Variants in CDH4 observed in about 807,000 individuals in gnomAD.
CDH4 encodes cadherin 4.
Under a neutral mutation model 86.0 loss-of-function variants are expected in CDH4, and 33 were observed. The observed-to-expected ratio is 0.38, with a 90% CI of 0.29 to 0.51. The LOEUF is 0.51. Among genes scored for constraint, CDH4 ranks in the 20% least tolerant of loss-of-function variants. The pLI, the probability that CDH4 is intolerant of heterozygous loss-of-function variation, is 0.86. For synonymous variants in CDH4, 555 were observed against 549.4 expected (o/e 1.01, Z -0.14); for missense variants, 1,114 against 1,307.4 (o/e 0.85, Z 2.28).
chr20:61,936,772 C>A lies in CDH4; in HGVS notation c.2580C>A (p.Pro860=). The change falls in exon 16 of 16, where the codon CCC becomes CCA. Residue 860 remains proline (P), a synonymous_variant. Coordinates refer to ENST00000614565, the MANE Select transcript of CDH4 (RefSeq NM_001794.5). ...CTGCTGACAACGACCCCACGGCACC[C>A]CCCTATGACTCCCTGCTGGTCTTCG... ...LRAADNDPTA[P]PYDSLLVFDY... 1 of 1,609,032 alleles carries A rather than the reference C, an allele frequency of 6.2e-7. No homozygotes were observed.
intron 2 of CDH4, among the ~76,000 whole-genome samples, chr20:61,710,656 G>T (rs533572285): frequency 6.6e-6 from 1 of 152,252 alleles, no homozygotes; most frequent in Non-Finnish European, 1.5e-5. Context: ...TGAGGAAGGG[G>T]CAAGGGCCCA....
intron 2 of CDH4, among the ~76,000 whole-genome samples, chr20:61,378,032 C>A (rs1290391515): frequency 6.6e-6 from 1 of 152,140 alleles, no homozygotes; most frequent in Non-Finnish European, 1.5e-5. Context: ...GGTGGGCGAT[C>A]GCTTGAGCCC....
intron 2 of CDH4, among the ~76,000 whole-genome samples, chr20:61,403,169 G>A (rs1316450): frequency 0.51 from 77,129 of 152,002 alleles, 20,712 homozygotes; most frequent in African/African-American, 0.68. Flanking sequence ...GACCATGAGG[G>A]GATCTTGAAG....
At position 61,565,227 on chromosome 20, in the gene CDH4, G is replaced by GCGGTGCTCTTGGTGA; in HGVS notation, c.170-178336_170-178335insCGGTGCTCTTGGTGA. ...GTCGCGGTGCTCTCGGTGGTAGGTG[G>GCGGTGCTCTTGGTGA]TGGTGGTGGTGGTGGCGGTGCTCTT... On this transcript the variant is annotated intron_variant, in intron 2 of 15. Transcript: ENST00000614565. Among the ~76,000 whole-genome samples the GCGGTGCTCTTGGTGA allele has an allele frequency of 4.8e-5, 2 of 41,746 alleles. 1 individual carries two copies. Among genetic ancestry groups the GCGGTGCTCTTGGTGA allele is most frequent in the Non-Finnish European group, 1.0e-4 (2 of 19,572 alleles). The allele number at this position is 41,746 out of a possible 152,430, so 27.4% of individuals were successfully genotyped here.
At chr20:61,607,288 T>C (rs1250107186) in intron 2 of CDH4, among the ~76,000 whole-genome samples, 2 of 152,252 alleles carry the variant, frequency 1.3e-5, no homozygotes, top group Admixed American at 6.5e-5. Flanking sequence ...GTTTGCTTTT[T>C]TCCTTTCATA....
intron 2 of CDH4, among the ~76,000 whole-genome samples, chr20:61,610,749 T>C (rs1299289830): frequency 6.6e-6 from 1 of 152,164 alleles, no homozygotes; most frequent in East Asian, 1.9e-4. Context: ...ATTAGGTGTC[T>C]ATTTTAGTCT....
At chr20:61,691,988 C>A (rs2087660754) in intron 2 of CDH4, among the ~76,000 whole-genome samples, 1 of 152,210 alleles carries the variant, frequency 6.6e-6, no homozygotes, top group Non-Finnish European at 1.5e-5. Flanking sequence ...TAAACCCTTG[C>A]TGTTTTTGCC....
At chr20:61,898,668 C>T (rs1985243279) in intron 8 of CDH4, among the ~76,000 whole-genome samples, 1 of 152,214 alleles carries the variant, frequency 6.6e-6, no homozygotes. Flanking sequence ...CACCCTTGGT[C>T]CCTGCCTGCT....
chr20:61,640,235 G>T (rs11697179), intron 2 of CDH4, among the ~76,000 whole-genome samples: 151,739 of 152,372 alleles, frequency 1, 75,557 homozygotes, highest in Middle Eastern at 1. Flanking sequence ...CCAGCCTTGC[G>T]GCCTGGTGAG....
intron 4 of CDH4, among the ~76,000 whole-genome samples, chr20:61,806,166 G>A (rs1237246017): frequency 6.6e-6 from 1 of 152,258 alleles, no homozygotes; most frequent in Non-Finnish European, 1.5e-5. Flanking sequence ...GTAGGACAGT[G>A]CGGCAGTGAC....
chr20:61,492,349 ATGG>A (rs967238244), intron 2 of CDH4, among the ~76,000 whole-genome samples: 3 of 146,962 alleles, frequency 2.0e-5, no homozygotes, highest in South Asian at 2.2e-4. Context: ...GTTGATGTTG[ATGG>A]TGGTGGTGTT....
intron 4 of CDH4, among the ~76,000 whole-genome samples, chr20:61,818,689 T>TAAAAA (rs150034277): frequency 1.4e-5 from 2 of 141,572 alleles, no homozygotes; most frequent in South Asian, 2.2e-4. Flanking sequence ...AACTAAAAAT[T>TAAAAA]TAAAAAAAAA....
At chr20:61,622,749 G>A (rs2086788852) in intron 2 of CDH4, among the ~76,000 whole-genome samples, 1 of 152,192 alleles carries the variant, frequency 6.6e-6, no homozygotes, top group African/African-American at 2.4e-5. Flanking sequence ...CTGCATCCGT[G>A]GTCTCTGCCC....
intron 2 of CDH4, among the ~76,000 whole-genome samples, chr20:61,656,025 A>C (rs12329451): frequency 0.33 from 50,102 of 152,090 alleles, 8,435 homozygotes; most frequent in East Asian, 0.57. Context: ...ACATGAAGCC[A>C]CATCACCCTG....
At chr20:61,636,013 C>T (rs2086942672) in intron 2 of CDH4, among the ~76,000 whole-genome samples, 1 of 152,208 alleles carries the variant, frequency 6.6e-6, no homozygotes, top group African/African-American at 2.4e-5. Context: ...GAGTCCTCTC[C>T]AGTACAAGGC....
chr20:61,568,656 G>A (rs1487925949), intron 2 of CDH4, among the ~76,000 whole-genome samples: 1 of 152,192 alleles, frequency 6.6e-6, no homozygotes, highest in Non-Finnish European at 1.5e-5. Flanking sequence ...GGCACTTGCT[G>A]TTCCTTCTGC....
chr20:61,824,321 A>G (rs953935653), intron 4 of CDH4, among the ~76,000 whole-genome samples: 2 of 150,936 alleles, frequency 1.3e-5, no homozygotes, highest in African/African-American at 4.9e-5. Context: ...GCTTGAGATG[A>G]GTGTTGGCTC....
At chr20:61,311,799 G>T (rs899793578) in intron 2 of CDH4, among the ~76,000 whole-genome samples, 2 of 152,274 alleles carry the variant, frequency 1.3e-5, no homozygotes, top group Non-Finnish European at 2.9e-5. Flanking sequence ...TTCTTGTCAA[G>T]CCTGAAAAAA....
At chr20:61,659,272 A>G (rs932002022) in intron 2 of CDH4, among the ~76,000 whole-genome samples, 4 of 151,582 alleles carry the variant, frequency 2.6e-5, no homozygotes, top group African/African-American at 9.7e-5. Flanking sequence ...CTCTAGGGCA[A>G]CCACTAAAAC....
Sources: gnomAD v4.1 joint callset for allele counts (sites outside exome capture counted in the v4.1 genomes callset) on GRCh38, gnomAD v4.1.1 for gene constraint, MANE v1.5 for transcripts, NCBI Gene and HGNC (gene_info 2026-07-23, HGNC 2026-07-21) for gene names.